SAP130: variants seen among roughly 807,000 people sequenced by gnomAD.
SAP130 encodes histone deacetylase complex subunit SAP130.
A neutral mutation model predicts 103.2 loss-of-function variants in SAP130; 16 were observed. That is an observed-to-expected ratio of 0.16 (90% CI 0.10 to 0.24). The LOEUF (loss-of-function observed/expected upper bound fraction) is 0.24, where lower values mean the gene tolerates loss of function less well. Ranked by LOEUF, SAP130 falls within the 10% of genes least tolerant of loss-of-function variation. The pLI is 1.00. For missense variants in SAP130, 990 were observed against 1,359.7 expected (o/e 0.73, Z 4.28); for synonymous variants, 477 against 497.0 (o/e 0.96, Z 0.53).
chr2:127,947,764 C>CTGTGTGTGTGAGTGTGTGTGTG (rs147211610), intron 18 of SAP130, among the ~76,000 whole-genome samples: 16,756 of 143,154 alleles, frequency 0.12, 1,216 homozygotes, highest in South Asian at 0.25. Context: ...TTGTGTGTGT[C>CTGTGTGTGTGAGTGTGTGTGTG]TGTGTGTGTG....
At position 127,978,113 on chromosome 2, in the gene SAP130, C is replaced by T. The variant is rs200939031; in HGVS notation, c.1959-24G>A. On this transcript the variant is annotated intron_variant, in intron 14 of 20. Coordinates refer to ENST00000643581, the MANE Select transcript of SAP130 (RefSeq NM_001330301.2). ...TTCTGAAAGAGACAAGAGACAAACCCGGAGAACAGCAGTCCAAGGGCATTC... is the reference window on the plus strand; with the variant it reads ...TTCTGAAAGAGACAAGAGACAAACCTGGAGAACAGCAGTCCAAGGGCATTC... The T allele has an allele frequency of 4.4e-4, 667 of 1,522,880 alleles. 1 individual carries two copies. The highest frequency in any genetic ancestry group is 5.6e-4 in the Non-Finnish European group (633 of 1,121,094). 94.3% of individuals were successfully genotyped at this position (1,522,880 alleles called of 1,614,324 possible). A position where few individuals can be genotyped will look rare whatever the true frequency, so the allele number is the denominator to read the frequency against.
chr2:127,991,616 G>C (rs529541882), intron 12 of SAP130, among the ~76,000 whole-genome samples: 3 of 152,146 alleles, frequency 2.0e-5, no homozygotes, highest in Admixed American at 1.3e-4. Context: ...ATAGGCATGA[G>C]CCACCGCACC....
chr2:128,024,980 T>C (rs982408511), intron 2 of SAP130, among the ~76,000 whole-genome samples: 1 of 126,404 alleles, frequency 7.9e-6, no homozygotes, highest in African/African-American at 3.3e-5. Context: ...GCCGCTTGAG[T>C]GACAGAGTGA....
At chr2:127,950,132 A>AT in intron 17 of SAP130, 28 bp downstream of exon 17, 2 of 1,613,648 alleles carry the variant, frequency 1.2e-6, no homozygotes, top group Non-Finnish European at 1.7e-6. Flanking sequence ...GGGAAGCATC[A>AT]TAACACAAGT....
intron 18 of SAP130, among the ~76,000 whole-genome samples, chr2:127,946,709 C>A (rs1456442658): frequency 4.0e-5 from 6 of 151,282 alleles, no homozygotes; most frequent in Non-Finnish European, 8.8e-5. Flanking sequence ...ATGGTGAAAC[C>A]CTGTCTCTAC....
chr2:128,014,241 T>C (rs1262412058), intron 5 of SAP130, among the ~76,000 whole-genome samples: 1 of 152,124 alleles, frequency 6.6e-6, no homozygotes, highest in African/African-American at 2.4e-5. Context: ...TTTCTTTTTC[T>C]TGAGACAGGT....
chr2:128,006,496 T>TG (rs759079103), intron 7 of SAP130, among the ~76,000 whole-genome samples: 5 of 152,210 alleles, frequency 3.3e-5, no homozygotes, highest in African/African-American at 1.2e-4. Flanking sequence ...AAACCAAGGC[T>TG]GGGTGTGGTG....
intron 7 of SAP130, among the ~76,000 whole-genome samples, chr2:128,003,316 G>A (rs1221952577): frequency 6.6e-6 from 1 of 151,734 alleles, no homozygotes; most frequent in Non-Finnish European, 1.5e-5. Flanking sequence ...AGACCAGCCT[G>A]AGCAACATGG....
Position 127,996,446 on chromosome 2 carries a change from T to C in SAP130, c.1259A>G (p.Gln420Arg). 1 of 1,605,724 alleles carries C rather than the reference T, an allele frequency of 6.2e-7. No individual in the cohort carries two copies. Among genetic ancestry groups the C allele is most frequent in the Non-Finnish European group, 8.5e-7 (1 of 1,175,940 alleles). ...ACTCCTCTCGGCAGGGTAGTCTGGC[T>C]GGATCCGAGGAGAAGTGTGCGTGAT... ...QQITHTSPRI[Q>R]PDYPAERSSL... The change falls in exon 11 of 21, where the codon CAG becomes CGG. Residue 420 changes from glutamine to arginine, a missense_variant. Gln to Arg is a conservative substitution (Grantham distance 43, BLOSUM62 1). Transcript: ENST00000643581. This position sits in a 1 kb window ranked among gnomAD's most constrained non-coding sequence, Gnocchi z 4.3.
intron 15 of SAP130, among the ~76,000 whole-genome samples, chr2:127,958,104 T>A (rs191377936): frequency 6.6e-6 from 1 of 152,202 alleles, no homozygotes; most frequent in Admixed American, 6.5e-5. Flanking sequence ...GTTCTGCACA[T>A]GTATCCCAGA....
At chr2:128,023,179 G>A (rs1012114327) in intron 2 of SAP130, among the ~76,000 whole-genome samples, 4 of 152,030 alleles carry the variant, frequency 2.6e-5, no homozygotes, top group African/African-American at 9.7e-5. Flanking sequence ...ATTTTTAGTA[G>A]AGACAGGTTT....
intron 2 of SAP130, among the ~76,000 whole-genome samples, chr2:128,021,087 C>G (rs1272465453): frequency 2.0e-5 from 3 of 152,024 alleles, no homozygotes; most frequent in Admixed American, 2.0e-4. Flanking sequence ...CAAATTTTTG[C>G]TTTTATCAAC....
intron 7 of SAP130, among the ~76,000 whole-genome samples, chr2:128,004,063 G>A (rs115284240): frequency 0.014 from 1,985 of 146,558 alleles, 25 homozygotes; most frequent in Non-Finnish European, 0.017. Context: ...AAATACAGGG[G>A]TTAAATGATA....
intron 10 of SAP130, among the ~76,000 whole-genome samples, chr2:127,998,567 A>G (rs370531825): frequency 5.3e-5 from 8 of 152,334 alleles, no homozygotes; most frequent in African/African-American, 1.7e-4. Context: ...TCCTATTATA[A>G]TACAGAAATA....
rs375447660 is a variant in SAP130 at position 128,000,410 on chromosome 2, C to G, written c.914G>C (p.Ser305Thr). 116 of 1,614,026 alleles carry G rather than the reference C, an allele frequency of 7.2e-5. No individual in the cohort carries two copies. The highest frequency in any genetic ancestry group is 3.3e-4 in the Middle Eastern group (2 of 6,084). Residue 305 changes from serine to threonine, a missense_variant, in exon 8 of 21, where the codon AGT (serine) becomes ACT (threonine). By Grantham distance (58) the Ser-to-Thr change is moderately conservative (BLOSUM62 1). Coordinates refer to ENST00000643581, the MANE Select transcript of SAP130 (RefSeq NM_001330301.2). ...SIQHPPSAAI[S>T]IQRPAQSRDV... is the part of the protein sequence containing the mutation. ...TCGTGACTGGGCAGGACGCTGAATA[C>G]TGATTGCTGCAGATGGAGGATGCTG...
intron 15 of SAP130, among the ~76,000 whole-genome samples, chr2:127,965,866 T>C (rs537233325): frequency 1.3e-5 from 2 of 151,554 alleles, no homozygotes; most frequent in Admixed American, 1.4e-4. Context: ...TTATTATTAT[T>C]TCGATTTATT....
intron 7 of SAP130, among the ~76,000 whole-genome samples, chr2:128,003,991 T>TTTTTTTTTTTTTTTTTTTA: frequency 8.6e-6 from 1 of 116,092 alleles, no homozygotes; most frequent in East Asian, 2.4e-4. Context: ...TTTTTTTTTG[T>TTTTTTTTTTTTTTTTTTTA]TGACAGCCTG....
intron 18 of SAP130, among the ~76,000 whole-genome samples, chr2:127,947,756 G>A (rs982977116): frequency 7.4e-6 from 1 of 135,814 alleles, no homozygotes. Context: ...ATTTTGTATT[G>A]TGTGTGTCTG....
chr2:127,967,410 CTTT>C (rs1192354093), intron 15 of SAP130, among the ~76,000 whole-genome samples: 2 of 152,086 alleles, frequency 1.3e-5, no homozygotes, highest in Non-Finnish European at 2.9e-5. Context: ...GATTTCTTTT[CTTT>C]TTTTGAGACG....
Sources: gnomAD v4.1 joint callset for allele counts (sites outside exome capture counted in the v4.1 genomes callset) on GRCh38, gnomAD v4.1.1 for gene constraint, Gnocchi (gnomAD v3.1) non-coding constraint, MANE v1.5 for transcripts, NCBI Gene and HGNC (gene_info 2026-07-23, HGNC 2026-07-21) for gene names.